Variants in EML4 observed in about 807,000 individuals in gnomAD.
EML4 encodes EMAP like 4, also known as echinoderm microtubule-associated protein-like 4.
Under a neutral mutation model 129.0 loss-of-function variants are expected in EML4, and 72 were observed. The ratio of observed to expected loss-of-function variants is 0.56; its 90% confidence interval spans 0.46 to 0.68. The LOEUF (loss-of-function observed/expected upper bound fraction) is 0.68, where lower values mean the gene tolerates loss of function less well. EML4 is among the 30% of genes least tolerant of loss of function. The pLI is 0.00. For synonymous variants in EML4, 532 were observed against 405.0 expected (o/e 1.31, Z -3.77); for missense variants, 1,363 against 1,190.6 (o/e 1.14, Z -2.13).
At chr2:42,170,845 C>T (rs565796118) in intron 1 of EML4, among the ~76,000 whole-genome samples, 1 of 152,234 alleles carries the variant, frequency 6.6e-6, no homozygotes, top group Non-Finnish European at 1.5e-5. Context: ...GGCCATAGGC[C>T]GTACTATATC....
intron 1 of EML4, among the ~76,000 whole-genome samples, chr2:42,191,038 C>T (rs892651299): frequency 6.6e-6 from 1 of 152,164 alleles, no homozygotes; most frequent in African/African-American, 2.4e-5. Flanking sequence ...TCATATCTTA[C>T]ATTGAATTTT....
chr2:42,192,058 G>T (rs1025013256), intron 1 of EML4, among the ~76,000 whole-genome samples: 16 of 150,726 alleles, frequency 1.1e-4, no homozygotes, highest in African/African-American at 3.9e-4. Flanking sequence ...AGAAACATTT[G>T]AACCTGGGAG....
chr2:42,256,193 C>T (rs893187104), intron 2 of EML4, among the ~76,000 whole-genome samples: 1 of 152,150 alleles, frequency 6.6e-6, no homozygotes, highest in Non-Finnish European at 1.5e-5. Flanking sequence ...ACTTGAGGCA[C>T]ACATTTGAAT....
chr2:42,211,502 G>A (rs1257634012), intron 1 of EML4, among the ~76,000 whole-genome samples: 13 of 152,278 alleles, frequency 8.5e-5, no homozygotes, highest in Admixed American at 3.9e-4. Flanking sequence ...TGGAGTAGTC[G>A]GAAATTGTCT....
chr2:42,234,248 A>G (rs1674522754), intron 1 of EML4, among the ~76,000 whole-genome samples: 1 of 152,252 alleles, frequency 6.6e-6, no homozygotes, highest in African/African-American at 2.4e-5. Context: ...TTTGTGTGGT[A>G]GGCCATCTGG....
intron 19 of EML4, among the ~76,000 whole-genome samples, chr2:42,323,782 A>C (rs1558612996): frequency 6.6e-6 from 1 of 150,438 alleles, no homozygotes; most frequent in Non-Finnish European, 1.5e-5. Flanking sequence ...AAAAAAAAAA[A>C]AACAAACAAA....
At position 42,332,198 on chromosome 2, in the gene EML4, G is replaced by C. The variant is rs1670138782; in HGVS notation, c.*1991G>C. ...TGGGGAATACAGCTCTCAGTGATCAGCAGGGAGTTTATTTGAGGACATCAG... is the reference window on the plus strand; with the variant it reads ...TGGGGAATACAGCTCTCAGTGATCACCAGGGAGTTTATTTGAGGACATCAG... On this transcript the variant is annotated 3_prime_UTR_variant, in exon 23 of 23. Transcript: ENST00000318522. 4.6e-6 allele frequency: 1 copy of C among 218,846 alleles called. No individual in the cohort carries two copies. Among genetic ancestry groups the C allele is most frequent in the South Asian group, 1.9e-4 (1 of 5,356 alleles). The allele number at this position is 218,846 out of a possible 1,614,324, so 13.6% of individuals were successfully genotyped here.
chr2:42,245,732 T>G, intron 2 of EML4, 45 bp downstream of exon 2: 2 of 1,494,890 alleles, frequency 1.3e-6, no homozygotes, highest in Non-Finnish European at 9.0e-7. Flanking sequence ...TTTTGCAATA[T>G]TTTCTTTGAA....
chr2:42,215,865 T>TA (rs1369472404), intron 1 of EML4, among the ~76,000 whole-genome samples: 3 of 152,204 alleles, frequency 2.0e-5, no homozygotes, highest in African/African-American at 4.8e-5. Flanking sequence ...CCACAACTCT[T>TA]ACTCCTGATA....
intron 2 of EML4, among the ~76,000 whole-genome samples, chr2:42,252,099 T>C (rs972223742): frequency 6.6e-6 from 1 of 152,216 alleles, no homozygotes; most frequent in Non-Finnish European, 1.5e-5. Flanking sequence ...GAAGATAATA[T>C]GTACCGGAGT....
rs1046445496 is a variant in EML4 at position 42,169,552 on chromosome 2, C to G, written c.-60C>G. On this transcript the variant is annotated 5_prime_UTR_variant, in exon 1 of 23. Transcript: ENST00000318522. ...TCAGGCTCAGCGTCGGCCACTCTGTCGGTCCGCTGAATGAAGTGCCCGCCC... is the reference window on the plus strand; with the variant it reads ...TCAGGCTCAGCGTCGGCCACTCTGTGGGTCCGCTGAATGAAGTGCCCGCCC... The G allele has an allele frequency of 1.2e-5, 19 of 1,572,692 alleles. No homozygotes were observed. Among genetic ancestry groups the G allele is most frequent in the East Asian group, 7.0e-5 (3 of 42,590 alleles).
intron 6 of EML4, among the ~76,000 whole-genome samples, chr2:42,271,054 C>T (rs1272104252): frequency 1.3e-5 from 2 of 152,064 alleles, no homozygotes; most frequent in East Asian, 1.9e-4. Flanking sequence ...GCCACTGTGC[C>T]CAGCTAGTTT....
chr2:42,322,384 C>G (rs1006868520), intron 19 of EML4, among the ~76,000 whole-genome samples: 1 of 152,200 alleles, frequency 6.6e-6, no homozygotes, highest in Non-Finnish European at 1.5e-5. Flanking sequence ...GCAGAAAGTT[C>G]CACTGAACAG....
chr2:42,305,214 C>A (rs1050661582), intron 17 of EML4, among the ~76,000 whole-genome samples: 9 of 152,122 alleles, frequency 5.9e-5, no homozygotes, highest in African/African-American at 1.9e-4. Context: ...GAGTTTGAGA[C>A]CAGCCTGGGT....
intron 6 of EML4, among the ~76,000 whole-genome samples, chr2:42,265,922 C>G (rs1000376445): frequency 6.6e-6 from 1 of 152,198 alleles, no homozygotes; most frequent in Admixed American, 6.5e-5. Flanking sequence ...AAGTTTTATA[C>G]ATCAGTTTTA....
intron 16 of EML4, 49 bp from the exon 17 acceptor site, chr2:42,304,435 A>G (rs1198162197): frequency 2.1e-6 from 3 of 1,449,368 alleles, no homozygotes; most frequent in South Asian, 1.2e-5. Flanking sequence ...CTGTCCCCAT[A>G]GGGAGACTTT....
chr2:42,261,866 A>G (rs1665761179), intron 4 of EML4, among the ~76,000 whole-genome samples: 1 of 152,138 alleles, frequency 6.6e-6, no homozygotes, highest in African/African-American at 2.4e-5. Flanking sequence ...GTCCGTAATA[A>G]TTAATATTTT....
chr2:42,230,497 C>T (rs1674264048), intron 1 of EML4, among the ~76,000 whole-genome samples: 2 of 152,238 alleles, frequency 1.3e-5, no homozygotes, highest in South Asian at 2.1e-4. Context: ...ACCTCCGCCT[C>T]CCAGGTTCAA....
chr2:42,301,252 A>G lies in EML4; in HGVS notation c.1501A>G (p.Ile501Val), dbSNP rs1668269444. ...TTCCCTCATATTAGGTGTATATCAAATCAGCAAACAAATCAAAGCTCATGA... is the reference window on the plus strand; with the variant it reads ...TTCCCTCATATTAGGTGTATATCAAGTCAGCAAACAAATCAAAGCTCATGA... ...PGKGPKGVYQISKQIKAHDGS... is the reference protein window; with the variant it reads ...PGKGPKGVYQVSKQIKAHDGS... The change falls in exon 14 of 23, where the codon ATC (isoleucine) becomes GTC (valine). Residue 501 changes from isoleucine to valine, a missense_variant. Ile to Val is a conservative substitution (Grantham distance 29). Transcript: ENST00000318522. 2 of 1,611,662 alleles carry G rather than the reference A, an allele frequency of 1.2e-6. No homozygotes were observed. The highest frequency in any genetic ancestry group is 1.7e-6 in the Non-Finnish European group (2 of 1,179,146).
Sources: gnomAD v4.1 joint callset for allele counts (sites outside exome capture counted in the v4.1 genomes callset) on GRCh38, gnomAD v4.1.1 for gene constraint, MANE v1.5 for transcripts, NCBI Gene and HGNC (gene_info 2026-07-23, HGNC 2026-07-21) for gene names.